Variants in CCR5AS observed in about 807,000 individuals in gnomAD.
CCR5AS encodes CCR5 antisense RNA.
intron 1 of CCR5AS, among the ~76,000 whole-genome samples, chr3:46,405,492 G>T (rs541339925): frequency 6.6e-6 from 1 of 152,090 alleles, no homozygotes; most frequent in Non-Finnish European, 1.5e-5. Context: ...CATGAGTATC[G>T]AGAGTAAAGC....
chr3:46,405,600 G>A (rs989354892), intron 1 of CCR5AS, among the ~76,000 whole-genome samples: 15 of 152,074 alleles, frequency 9.9e-5, no homozygotes, highest in Non-Finnish European at 2.2e-4. Context: ...CAGGCTGTAG[G>A]GGGTGGGAAG....
At chr3:46,400,670 C>T (rs1299208718) in intron 1 of CCR5AS, among the ~76,000 whole-genome samples, 1 of 152,168 alleles carries the variant, frequency 6.6e-6, no homozygotes, top group Non-Finnish European at 1.5e-5. Flanking sequence ...GAGACTTGGG[C>T]ACCAGATGGG....
chr3:46,403,457 G>A (rs555610037), intron 1 of CCR5AS, among the ~76,000 whole-genome samples: 3 of 152,156 alleles, frequency 2.0e-5, no homozygotes, highest in Admixed American at 1.3e-4. Flanking sequence ...ACTTATAAAA[G>A]GGTATGAACT....
chr3:46,373,296 C>T (rs1701694151), intron 2 of CCR5AS: 1 of 1,614,034 alleles, frequency 6.2e-7, no homozygotes, highest in Admixed American at 1.7e-5. Flanking sequence ...GGCTGTCGTC[C>T]ATGCTGTGTT....
intron 2 of CCR5AS, chr3:46,374,001 C>A (rs1438776850): frequency 2.1e-6 from 3 of 1,456,796 alleles, no homozygotes; most frequent in Non-Finnish European, 9.3e-7. Context: ...CAGAGTTGTG[C>A]ACATGGCTTA....
intron 2 of CCR5AS, chr3:46,373,778 C>T (rs1392690733): frequency 1.2e-6 from 2 of 1,613,714 alleles, no homozygotes; most frequent in East Asian, 4.5e-5. Context: ...ACTGCTGCAT[C>T]AACCCCATCA....
At chr3:46,374,372 A>C (rs1701723195) in intron 2 of CCR5AS, 1 of 173,752 alleles carries the variant, frequency 5.8e-6, no homozygotes. Flanking sequence ...ACAAGGCAAC[A>C]TATAGGTTGT....
At chr3:46,382,774 T>C (rs1701827320) in intron 2 of CCR5AS, among the ~76,000 whole-genome samples, 1 of 152,198 alleles carries the variant, frequency 6.6e-6, no homozygotes, top group Non-Finnish European at 1.5e-5. Context: ...GGAGACAGTG[T>C]GAGTCTGGCA....
rs139046559 is a variant in CCR5AS, at chr3:46,400,983, C to T, written n.163+5914G>A. On this transcript the variant is annotated intron_variant and non_coding_transcript_variant, in intron 1 of 3. Transcript: ENST00000451485. The stretch of plus-strand genomic sequence containing the variant: ...TATCCTCAAGGGACAGGAGATGGTG[C>T]GAATGTTTTTGGCATAAATCAAAGA... Among the ~76,000 whole-genome samples, 167 of 152,110 alleles carry T rather than the reference C, an allele frequency of 1.1e-3. 1 individual carries two copies. Among genetic ancestry groups the T allele is most frequent in the Non-Finnish European group, 1.8e-3 (124 of 68,012 alleles).
In CCR5AS at chr3:46,373,444, AT is replaced by A. The variant is rs1345125878; in HGVS notation, n.392-2028del. ...GGTCTTCATTACACCTGCAGCTCTC[AT>A]TTTCCATACAGTCAGTATCAATTCT... On this transcript the variant is annotated intron_variant and non_coding_transcript_variant, in intron 2 of 3. Transcript: ENST00000451485. 3.9e-5 allele frequency: 63 copies of A among 1,612,910 alleles called. 1 individual carries two copies. Among genetic ancestry groups the A allele is most frequent in the Non-Finnish European group, 5.3e-5 (63 of 1,179,358 alleles).
intron 2 of CCR5AS, among the ~76,000 whole-genome samples, chr3:46,388,548 T>A (rs1701881819): frequency 6.6e-6 from 1 of 152,162 alleles, no homozygotes; most frequent in Non-Finnish European, 1.5e-5. Context: ...GAGTTTTTGG[T>A]CTCCATCCTT....
rs371517948 is a variant in CCR5AS at position 46,401,223 on chromosome 3, G to T, written n.163+5674C>A. On this transcript the variant is annotated intron_variant and non_coding_transcript_variant, in intron 1 of 3. Coordinates refer to ENST00000451485, the Ensembl canonical transcript of CCR5AS. Reference sequence around the variant, plus strand: ...ATGTGTTCCAAAAGGATTGGTCCACGCAGGCCACAGGAAAATGGGAGGTAA... The same window carrying T: ...ATGTGTTCCAAAAGGATTGGTCCACTCAGGCCACAGGAAAATGGGAGGTAA... Among the ~76,000 whole-genome samples, 3 of 152,300 alleles carry T rather than the reference G, an allele frequency of 2.0e-5. No individual in the cohort carries two copies. The East Asian group carries it at 5.8e-4, about 29-fold the overall frequency.
chr3:46,386,545 G>A (rs1344087030), intron 2 of CCR5AS, among the ~76,000 whole-genome samples: 1 of 152,212 alleles, frequency 6.6e-6, no homozygotes, highest in Non-Finnish European at 1.5e-5. Flanking sequence ...TAGACAGCCA[G>A]CCAAATCCAG....
chr3:46,393,502 G>GAAAAAA (rs796274814), intron 1 of CCR5AS, among the ~76,000 whole-genome samples: 1 of 138,508 alleles, frequency 7.2e-6, no homozygotes, highest in African/African-American at 2.7e-5. Context: ...AAAAGAAGAA[G>GAAAAAA]AAAAAAAAAT....
chr3:46,378,451 T>A (rs1225862600), intron 2 of CCR5AS, among the ~76,000 whole-genome samples: 1 of 152,182 alleles, frequency 6.6e-6, no homozygotes, highest in Non-Finnish European at 1.5e-5. Flanking sequence ...TTATTTTTGT[T>A]TCTCTGGGTG....
chr3:46,373,991 C>A, intron 2 of CCR5AS: 6 of 1,496,986 alleles, frequency 4.0e-6, no homozygotes, highest in Non-Finnish European at 5.4e-6. Context: ...GTGACCCAGT[C>A]AGAGTTGTGC....
At chr3:46,378,075 G>A (rs915279344) in intron 2 of CCR5AS, among the ~76,000 whole-genome samples, 2 of 152,192 alleles carry the variant, frequency 1.3e-5, no homozygotes, top group African/African-American at 4.8e-5. Flanking sequence ...CTTATTGTCA[G>A]AGTACGTGGA....
chr3:46,381,132 T>C (rs1701813076), intron 2 of CCR5AS, among the ~76,000 whole-genome samples: 1 of 152,230 alleles, frequency 6.6e-6, no homozygotes, highest in Non-Finnish European at 1.5e-5. Flanking sequence ...AAGTGAAAAG[T>C]AAACAGAAGT....
chr3:46,391,245 T>C (rs1021117411), intron 2 of CCR5AS, among the ~76,000 whole-genome samples: 2 of 152,154 alleles, frequency 1.3e-5, no homozygotes, highest in African/African-American at 2.4e-5. Context: ...GCCCCTGCAG[T>C]TTAGGTGTTT....
Sources: gnomAD v4.1 joint callset for allele counts (sites outside exome capture counted in the v4.1 genomes callset) on GRCh38, gnomAD v4.1.1 for gene constraint, MANE v1.5 for transcripts, NCBI Gene and HGNC (gene_info 2026-07-23, HGNC 2026-07-21) for gene names.